The following SERTM1 variants were observed in gnomAD, a reference collection of about 807,000 sequenced individuals.
SERTM1 encodes serine rich and transmembrane domain containing 1.
A neutral mutation model predicts 5.5 loss-of-function variants in SERTM1; 1 was observed. That is an observed-to-expected ratio of 0.18 (90% CI 0.06 to 0.86). The LOEUF (loss-of-function observed/expected upper bound fraction) is 0.86. Among genes scored for constraint, SERTM1 ranks in the 40% least tolerant of loss-of-function variants. SERTM1 has a pLI of 0.69. For synonymous variants in SERTM1, 52 were observed against 55.1 expected (o/e 0.94, Z 0.25); for missense variants, 91 against 122.4 (o/e 0.74, Z 1.21).
At chr13:36,677,834 G>A (rs757013256) in intron 1 of SERTM1, among the ~76,000 whole-genome samples, 1 of 152,174 alleles carries the variant, frequency 6.6e-6, no homozygotes, top group East Asian at 1.9e-4. Flanking sequence ...ATTTCCTTGT[G>A]ACCAGGATTA....
chr13:36,683,943 G>T (rs11616389), intron 1 of SERTM1, among the ~76,000 whole-genome samples: 16,443 of 152,264 alleles, frequency 0.11, 1,180 homozygotes, highest in Non-Finnish European at 0.16. Context: ...GAGACGGAGA[G>T]ATGTAGTTTG....
rs527969542 is a variant in SERTM1, at chr13:36,695,477, T to C, written c.*75T>C. 9.4e-7 allele frequency: 1 copy of C among 1,065,096 alleles called. No individual in the cohort carries two copies. The highest frequency in any genetic ancestry group is 2.4e-5 in the East Asian group (1 of 42,054). The allele number at this position is 1,065,096 out of a possible 1,614,324, so 66.0% of individuals were successfully genotyped here. Reference sequence around the variant, plus strand: ...CGGAAGTGTCCCGTGAGGCATTGCCTCATGAAAGAAATGATCCTTTTGGTG... The same window carrying C: ...CGGAAGTGTCCCGTGAGGCATTGCCCCATGAAAGAAATGATCCTTTTGGTG... On this transcript the variant is annotated 3_prime_UTR_variant, in exon 2 of 2. Transcript: ENST00000315190.
chr13:36,691,686 G>A (rs536334038), intron 1 of SERTM1, among the ~76,000 whole-genome samples: 2 of 152,274 alleles, frequency 1.3e-5, no homozygotes, highest in Admixed American at 1.3e-4. Flanking sequence ...ATGAGAGTCT[G>A]CTGGCGCTGC....
intron 1 of SERTM1, among the ~76,000 whole-genome samples, chr13:36,692,650 TAACTC>T (rs2056786587): frequency 1.3e-5 from 2 of 152,224 alleles, no homozygotes; most frequent in Non-Finnish European, 1.5e-5. Context: ...TATCACATCT[TAACTC>T]AAGACCTTCT....
chr13:36,681,535 G>T (rs951635363), intron 1 of SERTM1, among the ~76,000 whole-genome samples: 4 of 152,200 alleles, frequency 2.6e-5, no homozygotes, highest in Non-Finnish European at 4.4e-5. Flanking sequence ...AGATGGAGTA[G>T]CTAACAATCC....
At chr13:36,677,549 A>G (rs1193175752) in intron 1 of SERTM1, among the ~76,000 whole-genome samples, 1 of 152,218 alleles carries the variant, frequency 6.6e-6, no homozygotes, top group East Asian at 1.9e-4. Context: ...TAAGAAGGTA[A>G]CAGACCTGAA....
In SERTM1 at chr13:36,697,298, C is replaced by T. The variant is rs994389814; in HGVS notation, c.*1896C>T. ...ATATATACATATATATACGCACACA[C>T]ACACACACACATAAATATATATATA... is the stretch of plus-strand genomic sequence containing the variant. On this transcript the variant is annotated 3_prime_UTR_variant, in exon 2 of 2. Transcript: ENST00000315190. 1 of 151,472 alleles carries T rather than the reference C, an allele frequency of 6.6e-6. No individual in the cohort carries two copies. The highest frequency in any genetic ancestry group is 3.0e-5 in the African/African-American group (1 of 32,868). The allele number at this position is 151,472 out of a possible 1,614,324, so 9.4% of individuals were successfully genotyped here. A position where few individuals can be genotyped will look rare whatever the true frequency, so the allele number is the denominator to read the frequency against.
At chr13:36,683,031 T>C (rs1285145227) in intron 1 of SERTM1, among the ~76,000 whole-genome samples, 1 of 152,076 alleles carries the variant, frequency 6.6e-6, no homozygotes, top group African/African-American at 2.4e-5. Context: ...AAGTAGCTAG[T>C]TTTTCTTAAC....
At chr13:36,678,869 A>G (rs566678118) in intron 1 of SERTM1, among the ~76,000 whole-genome samples, 1 of 151,936 alleles carries the variant, frequency 6.6e-6, no homozygotes, top group African/African-American at 2.4e-5. Context: ...TCCATTGGAT[A>G]AATTCTTAAA....
intron 1 of SERTM1, among the ~76,000 whole-genome samples, chr13:36,688,768 A>G (rs938567492): frequency 2.0e-5 from 3 of 152,208 alleles, no homozygotes; most frequent in African/African-American, 4.8e-5. Context: ...ATTCATTATG[A>G]TCTTACTTAT....
intron 1 of SERTM1, among the ~76,000 whole-genome samples, chr13:36,685,619 G>C (rs151311040): frequency 7.1e-4 from 108 of 152,222 alleles, no homozygotes; most frequent in African/African-American, 2.1e-3. Flanking sequence ...CTGTTCATTG[G>C]CCCCTATGAC....
chr13:36,697,211 A>AT lies in SERTM1; in HGVS notation c.*1810dup, dbSNP rs904317432. The AT allele has an allele frequency of 3.0e-5, 5 of 166,584 alleles. No individual in the cohort carries two copies. Among genetic ancestry groups the AT allele is most frequent in the African/African-American group, 9.7e-5 (4 of 41,286 alleles). 10.3% of individuals were successfully genotyped at this position (166,584 alleles called of 1,614,324 possible). A position where few individuals can be genotyped will look rare whatever the true frequency, so the allele number is the denominator to read the frequency against. On this transcript the variant is annotated 3_prime_UTR_variant, in exon 2 of 2. Coordinates refer to ENST00000315190, the MANE Select transcript of SERTM1 (RefSeq NM_203451.3). ...AGTGGGTTGGGTGTCATTATGTAGT[A>AT]TAAAAACTGGACTAGATAAACTGCT... is the stretch of plus-strand genomic sequence containing the variant.
intron 1 of SERTM1, among the ~76,000 whole-genome samples, chr13:36,674,921 G>A (rs2056660538): frequency 6.6e-6 from 1 of 152,130 alleles, no homozygotes; most frequent in Non-Finnish European, 1.5e-5. Flanking sequence ...ATGAGACACT[G>A]GAATCCTGCC....
chr13:36,687,775 C>T (rs746481661), intron 1 of SERTM1, among the ~76,000 whole-genome samples: 1 of 151,976 alleles, frequency 6.6e-6, no homozygotes. Flanking sequence ...ACAACAACAA[C>T]AACAACGTAA....
chr13:36,695,502 G>A lies in SERTM1; in HGVS notation c.*100G>A. 1 of 828,594 alleles carries A rather than the reference G, an allele frequency of 1.2e-6. No homozygotes were observed. Among genetic ancestry groups the A allele is most frequent in the Non-Finnish European group, 1.9e-6 (1 of 514,758 alleles). The allele number at this position is 828,594 out of a possible 1,614,324, so 51.3% of individuals were successfully genotyped here. A position where few individuals can be genotyped will look rare whatever the true frequency, so the allele number is the denominator to read the frequency against. On this transcript the variant is annotated 3_prime_UTR_variant, in exon 2 of 2. Transcript: ENST00000315190. Reference sequence around the variant, plus strand: ...TCATGAAAGAAATGATCCTTTTGGTGTAGACCTGCTTCTCCTTCTCCTTTT... The same window carrying A: ...TCATGAAAGAAATGATCCTTTTGGTATAGACCTGCTTCTCCTTCTCCTTTT...
intron 1 of SERTM1, among the ~76,000 whole-genome samples, chr13:36,680,497 G>GA (rs2056697948): frequency 6.6e-6 from 1 of 152,166 alleles, no homozygotes; most frequent in Non-Finnish European, 1.5e-5. Flanking sequence ...TTTAGGGTTG[G>GA]AAAGGGGGTG....
Position 36,695,008 on chromosome 13 carries a change from T to A in SERTM1, c.-71T>A, listed in dbSNP as rs2056803600. ...AAACACGATCGTGAAAAAATGCCAA[T>A]CTGTCCTGTGTAAGCCCTGTGTGAA... On this transcript the variant is annotated 5_prime_UTR_variant, in exon 2 of 2. Transcript: ENST00000315190. 9.1e-6 allele frequency: 10 copies of A among 1,098,018 alleles called. 1 individual carries two copies. In the South Asian group the frequency reaches 1.2e-4, roughly 13 times the overall value. The allele number at this position is 1,098,018 out of a possible 1,614,324, so 68.0% of individuals were successfully genotyped here.
At chr13:36,694,705 C>T (rs141615438) in intron 1 of SERTM1, among the ~76,000 whole-genome samples, 48 of 152,252 alleles carry the variant, frequency 3.2e-4, no homozygotes, top group African/African-American at 1.1e-3. Context: ...ACCTAGGGTA[C>T]TGTAGACAGA....
intron 1 of SERTM1, among the ~76,000 whole-genome samples, chr13:36,676,394 A>G (rs189844490): frequency 6.6e-6 from 1 of 151,968 alleles, no homozygotes; most frequent in East Asian, 1.9e-4. Flanking sequence ...TACTTATATT[A>G]CAACATTTTT....
Sources: gnomAD v4.1 joint callset for allele counts (sites outside exome capture counted in the v4.1 genomes callset) on GRCh38, gnomAD v4.1.1 for gene constraint, MANE v1.5 for transcripts, NCBI Gene and HGNC (gene_info 2026-07-23, HGNC 2026-07-21) for gene names.